FRA10AC1: variants seen among roughly 807,000 people sequenced by gnomAD.
FRA10AC1 encodes FRA10A associated CGG repeat 1.
Under a neutral mutation model 56.5 loss-of-function variants are expected in FRA10AC1, and 43 were observed. The observed-to-expected ratio is 0.76, with a 90% confidence interval of 0.60 to 0.98. FRA10AC1 has a LOEUF of 0.98. Ranked by LOEUF, FRA10AC1 falls within the 50% of genes least tolerant of loss-of-function variation. FRA10AC1 has a pLI of 0.00. For synonymous variants in FRA10AC1, 112 were observed against 110.5 expected, an observed-to-expected ratio of 1.01 and a Z score of -0.09; for missense variants, 346 against 351.8, an observed-to-expected ratio of 0.98 and a Z score of 0.13.
At chr10:93,691,831 C>T (rs1273879307) in intron 7 of FRA10AC1, 178 bp downstream of exon 7, 1 of 539,230 alleles carries the variant, frequency 1.9e-6, no homozygotes, top group Non-Finnish European at 3.0e-6. Context: ...TTTCCATAGG[C>T]CTTTTGTAAA....
In FRA10AC1 at chr10:93,702,510, GCCACAACCACCA is replaced by G. The variant is rs2059354271; in HGVS notation, c.-148_-137del. 2 of 187,870 alleles carry G rather than the reference GCCACAACCACCA, an allele frequency of 1.1e-5. No individual in the cohort carries two copies. The highest frequency in any genetic ancestry group is 2.0e-5 in the Non-Finnish European group (2 of 98,632). The allele number at this position is 187,870 out of a possible 1,614,324, so 11.6% of individuals were successfully genotyped here. A position where few individuals can be genotyped will look rare whatever the true frequency, so the allele number is the denominator to read the frequency against. On this transcript the variant is annotated 5_prime_UTR_variant, in exon 1 of 14. Transcript: ENST00000359204. The stretch of plus-strand genomic sequence containing the variant: ...CCCGTGCGCCCTGCCGCACAGCCTC[GCCACAACCACCA>G]CCGCCGCCGCCGCCGCCGCCGCCGC...
At chr10:93,698,510 G>A in intron 2 of FRA10AC1, 114 bp from the exon 3 acceptor site, 1 of 573,278 alleles carries the variant, frequency 1.7e-6, no homozygotes, top group Non-Finnish European at 3.0e-6. Flanking sequence ...ACTTTAAGAA[G>A]ACTCACTGAT....
chr10:93,670,481 T>C (rs886742205), intron 13 of FRA10AC1, among the ~76,000 whole-genome samples: 4 of 152,140 alleles, frequency 2.6e-5, no homozygotes, highest in Non-Finnish European at 5.9e-5. Flanking sequence ...TATGATGGAA[T>C]AGGCTTCTCT....
At chr10:93,689,720 G>A (rs556682665) in intron 7 of FRA10AC1, among the ~76,000 whole-genome samples, 25 of 152,290 alleles carry the variant, frequency 1.6e-4, no homozygotes, top group Non-Finnish European at 3.1e-4. Flanking sequence ...GTTAAAGACT[G>A]TATATTATTT....
intron 4 of FRA10AC1, 126 bp from the exon 5 acceptor site, chr10:93,695,063 T>C (rs1331065010): frequency 8.5e-6 from 5 of 588,286 alleles, no homozygotes; most frequent in African/African-American, 7.5e-5. Flanking sequence ...ATTCACACAC[T>C]ATACATGCTT....
chr10:93,693,530 C>CA (rs1564820238), intron 5 of FRA10AC1, among the ~76,000 whole-genome samples: 26 of 10,274 alleles, frequency 2.5e-3, no homozygotes, highest in African/African-American at 5.9e-3. Context: ...TATATATACA[C>CA]CATATATATA....
intron 4 of FRA10AC1, among the ~76,000 whole-genome samples, chr10:93,696,652 C>A (rs915603790): frequency 6.6e-6 from 1 of 152,160 alleles, no homozygotes; most frequent in Non-Finnish European, 1.5e-5. Context: ...GATACATGCA[C>A]ATGTATGTTT....
At chr10:93,693,004 A>T (rs969077985) in intron 5 of FRA10AC1, among the ~76,000 whole-genome samples, 1 of 152,138 alleles carries the variant, frequency 6.6e-6, no homozygotes, top group Non-Finnish European at 1.5e-5. Flanking sequence ...CCAAAGCTAG[A>T]ATGAGAAACC....
intron 12 of FRA10AC1, chr10:93,673,418 T>TC (rs1169004830): frequency 1.5e-5 from 7 of 454,468 alleles, no homozygotes; most frequent in Non-Finnish European, 3.1e-5. Flanking sequence ...TCAGTTTTTT[T>TC]CTTCTTGACC....
chr10:93,698,801 AC>A (rs1279303491), intron 2 of FRA10AC1, among the ~76,000 whole-genome samples: 1 of 148,802 alleles, frequency 6.7e-6, no homozygotes, highest in East Asian at 2.1e-4. Flanking sequence ...ATTATAGAGA[AC>A]ACAAACCACA....
intron 12 of FRA10AC1, chr10:93,673,343 CA>C (rs1202416735): frequency 2.2e-6 from 1 of 456,466 alleles, no homozygotes; most frequent in African/African-American, 2.0e-5. Context: ...ACTCTTCTCC[CA>C]GGTAAACATC....
intron 1 of FRA10AC1, among the ~76,000 whole-genome samples, chr10:93,701,517 T>C (rs1326342384): frequency 2.0e-5 from 3 of 152,176 alleles, no homozygotes; most frequent in South Asian, 4.1e-4. Context: ...CTTTAAAGTC[T>C]GTAATTCCAT....
chr10:93,693,556 A>G (rs555073016), intron 5 of FRA10AC1, among the ~76,000 whole-genome samples: 6 of 142,592 alleles, frequency 4.2e-5, no homozygotes, highest in African/African-American at 1.6e-4. Flanking sequence ...ATACACACAT[A>G]CATACACCAT....
intron 1 of FRA10AC1, among the ~76,000 whole-genome samples, chr10:93,700,707 A>C (rs1368302343): frequency 6.6e-6 from 1 of 152,222 alleles, no homozygotes; most frequent in Non-Finnish European, 1.5e-5. Flanking sequence ...TGAACAGTAC[A>C]TCATCAATTG....
intron 12 of FRA10AC1, 22 bp downstream of exon 12, chr10:93,676,631 T>C: frequency 1.3e-6 from 2 of 1,548,528 alleles, no homozygotes; most frequent in Non-Finnish European, 8.7e-7. Flanking sequence ...ATATTTTTAT[T>C]AAATAAACAC....
chr10:93,677,171 C>T (rs564166672), intron 11 of FRA10AC1, among the ~76,000 whole-genome samples: 2 of 152,106 alleles, frequency 1.3e-5, no homozygotes, highest in East Asian at 3.9e-4. Context: ...AAATTCTCAG[C>T]TCTACAATGG....
chr10:93,687,649 T>C (rs1439484576), intron 7 of FRA10AC1, 200 bp from the exon 8 acceptor site: 7 of 460,612 alleles, frequency 1.5e-5, no homozygotes, highest in Non-Finnish European at 2.6e-5. Context: ...TACTTTAAGA[T>C]AGCTTAAAAG....
At chr10:93,673,690 T>C (rs1220844483) in intron 12 of FRA10AC1, 1 of 392,420 alleles carries the variant, frequency 2.5e-6, no homozygotes, top group Admixed American at 3.3e-5. Flanking sequence ...TGTCTGTATT[T>C]TTCTTTTCTC....
intron 9 of FRA10AC1, among the ~76,000 whole-genome samples, chr10:93,684,844 T>C (rs2058997820): frequency 1.3e-5 from 2 of 152,204 alleles, no homozygotes; most frequent in South Asian, 4.1e-4. Context: ...CTAAAGTTTT[T>C]CTTTATTAAT....
Sources: gnomAD v4.1 joint callset for allele counts (sites outside exome capture counted in the v4.1 genomes callset) on GRCh38, gnomAD v4.1.1 for gene constraint, MANE v1.5 for transcripts, NCBI Gene and HGNC (gene_info 2026-07-23, HGNC 2026-07-21) for gene names.